The following TDRD12 variants were observed in gnomAD, a reference collection of about 807,000 sequenced individuals.
TDRD12 encodes tudor domain containing 12.
In TDRD12, 158 loss-of-function variants were observed where a neutral mutation model predicts 133.5. The ratio of observed to expected loss-of-function variants is 1.18; its 90% CI spans 1.04 to 1.35. The LOEUF is 1.35. Ranked by LOEUF, TDRD12 falls within the 40% of genes most tolerant of loss-of-function variation. The pLI, the probability that TDRD12 is intolerant of heterozygous loss-of-function variation, is 0.00. For missense variants in TDRD12, 1,443 were observed against 1,321.3 expected, an observed-to-expected ratio of 1.09 and a Z score of -1.43; for synonymous variants, 460 against 477.9, an observed-to-expected ratio of 0.96 and a Z score of 0.49.
intron 2 of TDRD12, among the ~76,000 whole-genome samples, chr19:32,737,808 C>T (rs1969270001): frequency 6.6e-6 from 1 of 152,176 alleles, no homozygotes. Context: ...CCAGTTATGA[C>T]AGATAGTAAA....
chr19:32,757,047 G>C (rs768561546), exon 8 of TDRD12: 3 of 1,551,464 alleles, frequency 1.9e-6, no homozygotes, highest in Admixed American at 2.0e-5. Flanking sequence ...GATTCACATG[G>C]TGTAAATTTT....
intron 1 of TDRD12, among the ~76,000 whole-genome samples, chr19:32,720,693 C>A (rs868134619): frequency 2.1e-4 from 7 of 33,280 alleles, no homozygotes; most frequent in African/African-American, 1.2e-3. Context: ...ACACCTCCAC[C>A]CCAACATTTC....
At chr19:32,772,716 T>A (rs1158720587) in intron 8 of TDRD12, 37 bp from the exon 9 acceptor site, 1 of 1,256,796 alleles carries the variant, frequency 8.0e-7, no homozygotes, top group South Asian at 1.5e-5. Context: ...ATATCACTTT[T>A]TGGTGTAGCT....
chr19:32,800,313 G>C (rs971876647), exon 17 of TDRD12: 98 of 1,526,078 alleles, frequency 6.4e-5, no homozygotes, highest in Non-Finnish European at 8.5e-5. Flanking sequence ...CCTACATTGT[G>C]ATCACAGCCA....
intron 11 of TDRD12, among the ~76,000 whole-genome samples, chr19:32,777,870 T>C: frequency 1.3e-5 from 1 of 79,476 alleles, no homozygotes; most frequent in Non-Finnish European, 2.8e-5. Context: ...TTTTTTTTTT[T>C]TTTTTTTTTT....
chr19:32,763,970 T>A (rs1321324778), intron 8 of TDRD12, among the ~76,000 whole-genome samples: 2 of 152,138 alleles, frequency 1.3e-5, no homozygotes, highest in Non-Finnish European at 2.9e-5. Context: ...TACTTGTTGT[T>A]AAGATAGAGT....
At chr19:32,731,953 C>T (rs994170250) in intron 2 of TDRD12, 70 bp downstream of exon 2, 16 of 1,398,138 alleles carry the variant, frequency 1.1e-5, no homozygotes, top group East Asian at 7.8e-5. Context: ...ATTTTGGCAA[C>T]GATGATGATT....
At chr19:32,732,001 C>A in intron 2 of TDRD12, 118 bp downstream of exon 2, 2 of 1,065,248 alleles carry the variant, frequency 1.9e-6, no homozygotes, top group Non-Finnish European at 1.3e-6. Context: ...ACACTCAGTG[C>A]CTTGTGTTAG....
intron 22 of TDRD12, among the ~76,000 whole-genome samples, chr19:32,809,447 C>G (rs1470621950): frequency 1.3e-4 from 20 of 152,202 alleles, no homozygotes; most frequent in Admixed American, 1.3e-3. Flanking sequence ...CAGCCCGGTC[C>G]TCTCCCCTAT....
At chr19:32,772,801 A>G in exon 9 of TDRD12, 1 of 1,516,936 alleles carries the variant, frequency 6.6e-7, no homozygotes, top group Non-Finnish European at 8.8e-7. Flanking sequence ...TCACCTAAAG[A>G]CAAATCTGAA....
intron 6 of TDRD12, among the ~76,000 whole-genome samples, chr19:32,754,275 C>A (rs1471364354): frequency 6.6e-6 from 1 of 152,138 alleles, no homozygotes; most frequent in African/African-American, 2.4e-5. Context: ...TTGAGACCAT[C>A]CTGGGCAACA....
At chr19:32,804,520 C>T (rs1354639597) in intron 21 of TDRD12, among the ~76,000 whole-genome samples, 5 of 151,032 alleles carry the variant, frequency 3.3e-5, no homozygotes, top group African/African-American at 1.2e-4. Context: ...GGTGAAACCC[C>T]GTCTCTACTA....
chr19:32,816,438 A>G (rs542260815), intron 26 of TDRD12, among the ~76,000 whole-genome samples: 1 of 152,298 alleles, frequency 6.6e-6, no homozygotes, highest in South Asian at 2.1e-4. Context: ...ATAGTGAGTT[A>G]CAGAAGCTAG....
At chr19:32,765,770 A>G (rs1970279276) in intron 8 of TDRD12, among the ~76,000 whole-genome samples, 2 of 152,060 alleles carry the variant, frequency 1.3e-5, no homozygotes, top group African/African-American at 2.4e-5. Flanking sequence ...GGATAACATT[A>G]GGAGATATAC....
downstream of TDRD12, among the ~76,000 whole-genome samples, chr19:32,823,932 G>A (rs1301928831): frequency 2.0e-5 from 3 of 152,206 alleles, no homozygotes; most frequent in Non-Finnish European, 4.4e-5. Context: ...CTCGGGGGAC[G>A]TCAGGGCAGC....
exon 10 of TDRD12, chr19:32,828,474 TGAC>T (rs1234648472): frequency 1.3e-5 from 2 of 152,294 alleles, no homozygotes; most frequent in Admixed American, 6.5e-5. Context: ...GTTTCTTTGT[TGAC>T]TGAAAAAGCG....
chr19:32,790,893 G>T lies in TDRD12; in HGVS notation c.1183-71G>T. The T allele has an allele frequency of 3.4e-6, 5 of 1,490,256 alleles. No homozygotes were observed. The South Asian group carries it at 6.5e-5, about 19-fold the overall frequency. The allele number at this position is 1,490,256 out of a possible 1,614,324, so 92.3% of individuals were successfully genotyped here. A position where few individuals can be genotyped will look rare whatever the true frequency, so the allele number is the denominator to read the frequency against. On this transcript the variant is annotated intron_variant, in intron 12 of 27. Transcript: ENST00000444215. ...TGAAATCTATATTTTCTTCATTTCTGTGAAGTTCTTGATCTCCTGTGCTGA... is the reference window on the plus strand; with the variant it reads ...TGAAATCTATATTTTCTTCATTTCTTTGAAGTTCTTGATCTCCTGTGCTGA...
At chr19:32,756,103 C>G in exon 7 of TDRD12, 1 of 1,480,046 alleles carries the variant, frequency 6.8e-7, no homozygotes, top group Non-Finnish European at 8.9e-7. Flanking sequence ...AAAATCAGCA[C>G]CCTCCTTCAA....
chr19:32,820,824 T>C (rs1008414125), intron 27 of TDRD12, among the ~76,000 whole-genome samples: 1 of 152,172 alleles, frequency 6.6e-6, no homozygotes, highest in South Asian at 2.1e-4. Flanking sequence ...CCTGGTCCCA[T>C]GTCAGTCATG....
Sources: allele counts gnomAD v4.1 joint callset (sites outside exome capture counted in the v4.1 genomes callset), GRCh38; gene constraint gnomAD v4.1.1; transcripts MANE v1.5; gene names NCBI Gene and HGNC (gene_info 2026-07-23, HGNC 2026-07-21).